Variants in KCNN1 observed in about 807,000 individuals in gnomAD.
KCNN1 encodes potassium calcium-activated channel subfamily N member 1, also known as small conductance calcium-activated potassium channel protein 1.
Under a neutral mutation model 44.7 loss-of-function variants are expected in KCNN1, and 20 were observed. That is an observed-to-expected ratio of 0.45 (90% CI 0.32 to 0.65). KCNN1 has a LOEUF of 0.65. KCNN1 is among the 30% of genes least tolerant of loss of function. KCNN1 has a pLI of 0.05. For synonymous variants in KCNN1, 324 were observed against 341.7 expected (o/e 0.95, Z 0.57); for missense variants, 632 against 785.3 (o/e 0.80, Z 2.33).
intron 6 of KCNN1, 135 bp from the exon 7 acceptor site, chr19:17,989,571 TACAAGCATGG>T: frequency 8.6e-7 from 1 of 1,156,298 alleles, no homozygotes; most frequent in South Asian, 1.3e-5. Context: ...GATGTTGTTG[TACAAGCATGG>T]CCCTGCCTTA....
At chr19:17,990,644 C>T (rs2034067342) in intron 7 of KCNN1, among the ~76,000 whole-genome samples, 2 of 150,476 alleles carry the variant, frequency 1.3e-5, no homozygotes, top group African/African-American at 2.4e-5. Context: ...ACTAAAAATA[C>T]AAAAAATTAG....
Position 17,998,208 on chromosome 19 carries a change from G to A in KCNN1, c.1434G>A (p.Leu478=). 1 of 1,592,668 alleles carries A rather than the reference G, an allele frequency of 6.3e-7. No homozygotes were observed. The highest frequency in any genetic ancestry group is 1.1e-5 in the South Asian group (1 of 87,972). The change falls in exon 10 of 10, where the codon CTG becomes CTA. Residue 478 remains leucine (L), a synonymous_variant. Transcript: ENST00000684775. The surrounding 1 kb of genome is among the most constrained non-coding windows in gnomAD (Gnocchi z 5.4). The part of the protein sequence containing the change: ...VSELHAQHEE[L]EARLATLESR... The stretch of plus-strand genomic sequence containing the variant: ...AGCTGCACGCTCAGCACGAGGAGCT[G>A]GAGGCCCGCCTGGCCACCCTGGAAA...
rs2032721704 is a variant in KCNN1, at chr19:17,989,698, TTC to T, written c.1171-16_1171-15del. The T allele has an allele frequency of 6.2e-7, 1 of 1,613,850 alleles. No individual in the cohort carries two copies. Among genetic ancestry groups the T allele is most frequent in the South Asian group, 1.1e-5 (1 of 91,082 alleles). On this transcript the variant is annotated splice_polypyrimidine_tract_variant and intron_variant, in intron 6 of 9. Coordinates refer to ENST00000684775, the MANE Select transcript of KCNN1 (RefSeq NM_001386974.1). ...ATTTCGCGCCAACCCTGAGGAATTG[TTC>T]TTTTTCTGGCCCCAGGTAAAAAACG...
At position 17,974,646 on chromosome 19, in the gene KCNN1, C is replaced by T. The variant is rs991139454; in HGVS notation, c.402+356C>T. Reference sequence around the variant, plus strand: ...AGAGTGAGTGCGTCCAGGTTACAAGCCTGGCTGTGGGTTCCCTCATGCCAC... The same window carrying T: ...AGAGTGAGTGCGTCCAGGTTACAAGTCTGGCTGTGGGTTCCCTCATGCCAC... On this transcript the variant is annotated intron_variant, in intron 2 of 9. Coordinates refer to ENST00000684775, the MANE Select transcript of KCNN1 (RefSeq NM_001386974.1). This position sits in a 1 kb window ranked among gnomAD's most constrained non-coding sequence, Gnocchi z 7.3. Among the ~76,000 whole-genome samples, 2 of 152,160 alleles carry T rather than the reference C, an allele frequency of 1.3e-5. No homozygotes were observed. The highest frequency in any genetic ancestry group is 4.8e-5 in the African/African-American group (2 of 41,446).
chr19:17,954,992 C>T (rs375489168), intron 2 of KCNN1, among the ~76,000 whole-genome samples: 5 of 149,436 alleles, frequency 3.3e-5, no homozygotes, highest in African/African-American at 4.9e-5. Context: ...GAGCCAAGAT[C>T]GCGCCACTGC....
intron 7 of KCNN1, chr19:17,990,195 C>G (rs551346066): frequency 2.2e-4 from 95 of 437,352 alleles, no homozygotes; most frequent in Non-Finnish European, 3.6e-4. Flanking sequence ...TGTAGGATAA[C>G]TAGAAATGAA....
rs1199002372 is a variant in KCNN1, at chr19:17,982,418, C to G, written c.917+291C>G. ...GTCTCCCAAGCTTCCTTCTCCCAGCCCCTCGGCTCCCTGGGAGGCTGACTC... is the reference window on the plus strand; with the variant it reads ...GTCTCCCAAGCTTCCTTCTCCCAGCGCCTCGGCTCCCTGGGAGGCTGACTC... On this transcript the variant is annotated intron_variant, in intron 4 of 9. Transcript: ENST00000684775. 7.8e-6 allele frequency: 3 copies of G among 385,518 alleles called. No homozygotes were observed. The Admixed American group carries it at 1.9e-4, about 25-fold the overall frequency. The allele number at this position is 385,518 out of a possible 1,614,324, so 23.9% of individuals were successfully genotyped here.
At chr19:17,969,636 T>A (rs1006075537) in intron 1 of KCNN1, among the ~76,000 whole-genome samples, 1 of 152,164 alleles carries the variant, frequency 6.6e-6, no homozygotes, top group Admixed American at 6.5e-5. Context: ...ATTTGGCCCA[T>A]GCGTCGGGTG....
chr19:17,961,579 TTTCTTTC>T (rs2031679351), intron 2 of KCNN1, among the ~76,000 whole-genome samples: 1 of 72,692 alleles, frequency 1.4e-5, no homozygotes, highest in South Asian at 4.6e-4. Flanking sequence ...TCTTTCTTTC[TTTCTTTC>T]TTTTTTTTTT....
At chr19:17,961,939 A>C (rs1008309524) in intron 2 of KCNN1, among the ~76,000 whole-genome samples, 2 of 152,038 alleles carry the variant, frequency 1.3e-5, no homozygotes. Flanking sequence ...GAGGACTCAA[A>C]TTTTGGGGGG....
At chr19:17,982,903 C>T (rs143499814) in intron 4 of KCNN1, among the ~76,000 whole-genome samples, 1,620 of 151,960 alleles carry the variant, frequency 0.011, 14 homozygotes, top group Non-Finnish European at 0.016. Flanking sequence ...GGGCTAGGTG[C>T]GGTGGTGGTG....
chr19:17,977,558 C>T (rs1472229801), intron 3 of KCNN1, among the ~76,000 whole-genome samples: 1 of 151,888 alleles, frequency 6.6e-6, no homozygotes, highest in Admixed American at 6.6e-5. Flanking sequence ...CCATGTTGGC[C>T]AGGCTGGTCT....
chr19:17,986,307 G>A (rs993836753), intron 5 of KCNN1, among the ~76,000 whole-genome samples: 1 of 151,790 alleles, frequency 6.6e-6, no homozygotes, highest in African/African-American at 2.4e-5. Flanking sequence ...AGGTTGTGGT[G>A]AGCGGAGATC....
At chr19:17,959,813 G>A (rs749703451) in intron 2 of KCNN1, among the ~76,000 whole-genome samples, 40 of 152,148 alleles carry the variant, frequency 2.6e-4, no homozygotes, top group Non-Finnish European at 3.5e-4. Flanking sequence ...AGCTGGACGC[G>A]GTGGCTCAGG....
intron 7 of KCNN1, among the ~76,000 whole-genome samples, chr19:17,991,021 A>C (rs2045388): frequency 0.13 from 19,559 of 151,352 alleles, 1,359 homozygotes; most frequent in East Asian, 0.2. Context: ...TAAATTCCTC[A>C]AATGACTGCT....
At chr19:17,953,744 C>T (rs1400350212) in intron 1 of KCNN1, among the ~76,000 whole-genome samples, 1 of 152,134 alleles carries the variant, frequency 6.6e-6, no homozygotes, top group Non-Finnish European at 1.5e-5. Flanking sequence ...GCCTGGGCAA[C>T]GTACTGAAAC....
chr19:17,980,064 C>CTTT (rs71164336), intron 3 of KCNN1, among the ~76,000 whole-genome samples: 2 of 137,796 alleles, frequency 1.5e-5, no homozygotes, highest in Non-Finnish European at 3.1e-5. Context: ...CTTTTTCTTT[C>CTTT]TTTTTTTTTT....
At position 17,974,258 on chromosome 19, in the gene KCNN1, G is replaced by T; in HGVS notation, c.370G>T (p.Glu124Ter). Residue 124 changes from glutamate to a stop codon, truncating the protein, a stop_gained, in exon 2 of 10, where the codon GAG (glutamate) becomes TAG (stop). Transcript: ENST00000684775. LOFTEE classifies it high-confidence loss of function. The surrounding 1 kb of genome is among the most constrained non-coding windows in gnomAD (Gnocchi z 7.3). ...GMFGIVVMVT[E>*]TELSWGVYTK... Reference sequence around the variant, plus strand: ...GTTTGGCATCGTCGTCATGGTGACGGAGACCGAGCTGTCCTGGGGGGTGTA... The same window carrying T: ...GTTTGGCATCGTCGTCATGGTGACGTAGACCGAGCTGTCCTGGGGGGTGTA... 1 of 1,599,154 alleles carries T rather than the reference G, an allele frequency of 6.3e-7. No individual in the cohort carries two copies. The highest frequency in any genetic ancestry group is 8.5e-7 in the Non-Finnish European group (1 of 1,171,110).
intron 7 of KCNN1, 33 bp downstream of exon 7, chr19:17,989,876 G>T: frequency 6.2e-7 from 1 of 1,610,582 alleles, no homozygotes; most frequent in Non-Finnish European, 8.5e-7. Flanking sequence ...TCACGTTTCT[G>T]TGTCCACATG....
Sources: allele counts gnomAD v4.1 joint callset (sites outside exome capture counted in the v4.1 genomes callset), GRCh38; gene constraint gnomAD v4.1.1; non-coding constraint Gnocchi (gnomAD v3.1); transcripts MANE v1.5; gene names NCBI Gene and HGNC (gene_info 2026-07-23, HGNC 2026-07-21).